Variants in BMPR1A observed in about 807,000 individuals in gnomAD.
BMPR1A encodes bone morphogenetic protein receptor type-1A.
Under a neutral mutation model 66.0 loss-of-function variants are expected in BMPR1A, and 7 were observed. The observed-to-expected ratio is 0.11, with a 90% CI of 0.06 to 0.20. The LOEUF is 0.20. Ranked by LOEUF, BMPR1A falls within the 10% of genes least tolerant of loss-of-function variation. The pLI, the probability that BMPR1A is intolerant of heterozygous loss-of-function variation, is 1.00. For synonymous variants in BMPR1A, 200 were observed against 229.7 expected, an observed-to-expected ratio of 0.87 and a Z score of 1.17; for missense variants, 408 against 669.1, an observed-to-expected ratio of 0.61 and a Z score of 4.31.
intron 1 of BMPR1A, among the ~76,000 whole-genome samples, chr10:86,805,861 C>G (rs1841882949): frequency 6.7e-6 from 1 of 148,866 alleles, no homozygotes; most frequent in African/African-American, 2.5e-5. Context: ...GATCTGCAGT[C>G]TGTATTCCAG....
intron 3 of BMPR1A, among the ~76,000 whole-genome samples, chr10:86,884,394 ATTTTTTTTTTTTTTTTTTTTT>A (rs759424209): frequency 0.29 from 14,257 of 49,430 alleles, 1,168 homozygotes; most frequent in African/African-American, 0.35. Context: ...CAAACACATG[ATTTTTTTTTTTTTTTTTTTTT>A]TTTTTTTTTT....
At chr10:86,899,617 T>G (rs924695410) in intron 5 of BMPR1A, among the ~76,000 whole-genome samples, 177 bp from the exon 6 acceptor site, 2 of 152,240 alleles carry the variant, frequency 1.3e-5, no homozygotes, top group African/African-American at 4.8e-5. Flanking sequence ...GAAAAGCCAT[T>G]TTGCAGTCTT....
intron 1 of BMPR1A, among the ~76,000 whole-genome samples, chr10:86,760,188 G>GGGT (rs1841020403): frequency 1.9e-5 from 1 of 53,380 alleles, no homozygotes; most frequent in Non-Finnish European, 3.3e-5. Context: ...AGATTTACCT[G>GGGT]TTTTTTTTTT....
chr10:86,881,765 G>A (rs2133351894), intron 3 of BMPR1A, among the ~76,000 whole-genome samples: 1 of 152,304 alleles, frequency 6.6e-6, no homozygotes, highest in East Asian at 1.9e-4. Context: ...TCAAGGACAG[G>A]AAGAGGCAGA....
intron 3 of BMPR1A, among the ~76,000 whole-genome samples, 179 bp downstream of exon 3, chr10:86,876,264 A>G (rs1412566551): frequency 1.3e-5 from 2 of 152,226 alleles, no homozygotes; most frequent in African/African-American, 4.8e-5. Flanking sequence ...TGTGATGGAA[A>G]CATTTTCAAG....
At chr10:86,913,289 A>AT (rs36002213) in intron 8 of BMPR1A, among the ~76,000 whole-genome samples, 19,432 of 118,994 alleles carry the variant, frequency 0.16, 2,384 homozygotes, top group African/African-American at 0.33. Context: ...CACCAGGCTA[A>AT]TTTTTTTTTT....
intron 1 of BMPR1A, among the ~76,000 whole-genome samples, chr10:86,788,960 A>G (rs780014717): frequency 6.6e-6 from 1 of 152,100 alleles, no homozygotes; most frequent in Non-Finnish European, 1.5e-5. Context: ...AAAAAATGGC[A>G]TAACTCTTCC....
At chr10:86,784,056 T>C in intron 1 of BMPR1A, among the ~76,000 whole-genome samples, 1 of 152,218 alleles carries the variant, frequency 6.6e-6, no homozygotes, top group Non-Finnish European at 1.5e-5. Context: ...AATCATGTCT[T>C]CTGTGAATGG....
intron 1 of BMPR1A, among the ~76,000 whole-genome samples, chr10:86,837,249 G>C (rs1050692571): frequency 1.3e-5 from 2 of 148,836 alleles, no homozygotes; most frequent in African/African-American, 4.9e-5. Context: ...GTGTGTGTCT[G>C]TGTGTGTGTG....
At chr10:86,797,753 T>C (rs1214870578) in intron 1 of BMPR1A, among the ~76,000 whole-genome samples, 1 of 152,166 alleles carries the variant, frequency 6.6e-6, no homozygotes, top group Non-Finnish European at 1.5e-5. Context: ...TGTTCAAATA[T>C]GGACCTTGTT....
At chr10:86,869,941 A>G (rs1842833946) in intron 2 of BMPR1A, among the ~76,000 whole-genome samples, 1 of 152,192 alleles carries the variant, frequency 6.6e-6, no homozygotes, top group African/African-American at 2.4e-5. Flanking sequence ...TTTGTGGTGA[A>G]GGAAACCGAG....
intron 2 of BMPR1A, chr10:86,843,423 C>T (rs961940978): frequency 5.3e-5 from 8 of 152,122 alleles, no homozygotes; most frequent in Admixed American, 2.0e-4. Context: ...CTTTTTTGGT[C>T]CCTATTAAAC....
chr10:86,871,494 G>A (rs965276655), intron 2 of BMPR1A, among the ~76,000 whole-genome samples: 1 of 152,180 alleles, frequency 6.6e-6, no homozygotes, highest in Non-Finnish European at 1.5e-5. Flanking sequence ...TAGGACTCCA[G>A]CATTGGAAGG....
intron 1 of BMPR1A, among the ~76,000 whole-genome samples, chr10:86,798,860 G>A (rs1420658826): frequency 2.0e-5 from 3 of 152,166 alleles, no homozygotes; most frequent in Non-Finnish European, 4.4e-5. Flanking sequence ...TGGGGAATCC[G>A]ACTTGTTTTA....
intron 2 of BMPR1A, among the ~76,000 whole-genome samples, chr10:86,868,676 C>G (rs74153420): frequency 0.012 from 1,767 of 152,144 alleles, 31 homozygotes; most frequent in African/African-American, 0.04. Flanking sequence ...CCAAACTTCT[C>G]TACTAGAAAG....
chr10:86,811,386 T>C (rs891380308), intron 1 of BMPR1A, among the ~76,000 whole-genome samples: 2 of 152,194 alleles, frequency 1.3e-5, no homozygotes, highest in Non-Finnish European at 2.9e-5. Flanking sequence ...TATTTGTTTT[T>C]CCCTTTGTTG....
At chr10:86,816,327 C>G (rs950203667) in intron 1 of BMPR1A, among the ~76,000 whole-genome samples, 2 of 152,048 alleles carry the variant, frequency 1.3e-5, no homozygotes, top group Non-Finnish European at 2.9e-5. Context: ...TTATTTTCAG[C>G]TTTCTCTTTA....
At chr10:86,914,689 A>G (rs1431959618) in intron 8 of BMPR1A, among the ~76,000 whole-genome samples, 1 of 152,232 alleles carries the variant, frequency 6.6e-6, no homozygotes, top group African/African-American at 2.4e-5. Context: ...CCACTAGTAT[A>G]GCTAAGACTG....
chr10:86,912,667 G>A (rs923793394), intron 8 of BMPR1A, among the ~76,000 whole-genome samples: 6 of 152,186 alleles, frequency 3.9e-5, no homozygotes, highest in African/African-American at 1.4e-4. Flanking sequence ...AGTCCTATAT[G>A]AAAGGCAAGA....
Sources: allele counts gnomAD v4.1 joint callset (sites outside exome capture counted in the v4.1 genomes callset), GRCh38; gene constraint gnomAD v4.1.1; transcripts MANE v1.5; gene names NCBI Gene and HGNC (gene_info 2026-07-23, HGNC 2026-07-21).